MAP4K5: variants seen among roughly 807,000 people sequenced by gnomAD.
MAP4K5 encodes MAPK/ERK kinase kinase kinase 5.
In MAP4K5, 82 loss-of-function variants were observed where a neutral mutation model predicts 135.6. The ratio of observed to expected loss-of-function variants is 0.60; its 90% CI spans 0.51 to 0.73. The LOEUF (loss-of-function observed/expected upper bound fraction) is 0.73, where lower values mean the gene tolerates loss of function less well. MAP4K5 is among the 30% of genes least tolerant of loss of function. The probability of loss-of-function intolerance (pLI) is 0.00; values close to 1 mark genes in which losing one functional copy is unlikely to be tolerated. For missense variants in MAP4K5, 907 were observed against 1,010.9 expected (o/e 0.90, Z 1.39); for synonymous variants, 347 against 335.0 (o/e 1.04, Z -0.39).
Position 50,532,053 on chromosome 14 carries a change from C to A in MAP4K5, c.-4G>T. The A allele has an allele frequency of 3.2e-6, 5 of 1,541,002 alleles. No homozygotes were observed. The highest frequency in any genetic ancestry group is 4.4e-6 in the Non-Finnish European group (5 of 1,135,552). Reference sequence around the variant, plus strand: ...CAGGCCGCAGCGGGGCCTCCATCTTCACTTAGGGCCCGGCCCCCGCCAGCT... The same window carrying A: ...CAGGCCGCAGCGGGGCCTCCATCTTAACTTAGGGCCCGGCCCCCGCCAGCT... On this transcript the variant is annotated 5_prime_UTR_variant, in exon 2 of 33. Coordinates refer to ENST00000682126, the MANE Select transcript of MAP4K5 (RefSeq NM_006575.6).
intron 2 of MAP4K5, among the ~76,000 whole-genome samples, chr14:50,526,598 G>A (rs114844928): frequency 0.015 from 2,245 of 152,210 alleles, 46 homozygotes; most frequent in African/African-American, 0.051. Context: ...GCCTGGCCAC[G>A]TCTGTTTTCT....
At chr14:50,529,364 G>C (rs1566698604) in intron 2 of MAP4K5, among the ~76,000 whole-genome samples, 1 of 152,060 alleles carries the variant, frequency 6.6e-6, no homozygotes, top group Non-Finnish European at 1.5e-5. Context: ...TCTAGCCTGG[G>C]GGACAGAGCG....
intron 9 of MAP4K5, among the ~76,000 whole-genome samples, chr14:50,474,092 C>T (rs968127190): frequency 6.6e-6 from 1 of 151,958 alleles, no homozygotes; most frequent in Admixed American, 6.6e-5. Context: ...ACAAATTATC[C>T]AAACACTGCA....
rs73286577 is a variant in MAP4K5, at chr14:50,469,692, G to A, written c.543-910C>T. The stretch of plus-strand genomic sequence containing the variant: ...AAATGCTTGTGGATATTGAAATAGA[G>A]CTATTATTAAACAACTGTTGAATAT... On this transcript the variant is annotated intron_variant, in intron 9 of 32. Coordinates refer to ENST00000682126, the MANE Select transcript of MAP4K5 (RefSeq NM_006575.6). 9.4e-3 allele frequency among the ~76,000 whole-genome samples: 1,433 copies of A among 152,258 alleles called. 27 individuals are homozygous for A. Among genetic ancestry groups the A allele is most frequent in the African/African-American group, 0.033 (1,370 of 41,556 alleles).
intron 6 of MAP4K5, among the ~76,000 whole-genome samples, chr14:50,477,177 T>C (rs950779449): frequency 3.3e-5 from 5 of 152,352 alleles, no homozygotes; most frequent in Non-Finnish European, 1.5e-5. Context: ...TGTAGTTTTC[T>C]GTATGCAGGT....
At chr14:50,483,249 A>G (rs2037291402) in intron 5 of MAP4K5, 1 of 152,198 alleles carries the variant, frequency 6.6e-6, no homozygotes, top group Non-Finnish European at 1.5e-5. Flanking sequence ...TTTAAAAAAT[A>G]ACCGTGTCAC....
intron 2 of MAP4K5, chr14:50,542,415 C>T (rs2038576834): frequency 6.6e-6 from 1 of 152,020 alleles, no homozygotes; most frequent in African/African-American, 2.4e-5. Flanking sequence ...ACCTGTGTAA[C>T]AAACCTGCAC....
At chr14:50,454,906 G>T (rs1325856002) in intron 14 of MAP4K5, among the ~76,000 whole-genome samples, 1 of 151,972 alleles carries the variant, frequency 6.6e-6, no homozygotes, top group African/African-American at 2.4e-5. Flanking sequence ...ATATGTGTGT[G>T]TTGTGGGGAG....
chr14:50,495,826 T>C (rs189426575), intron 3 of MAP4K5, among the ~76,000 whole-genome samples: 131 of 152,354 alleles, frequency 8.6e-4, no homozygotes, highest in African/African-American at 3.0e-3. Flanking sequence ...AAATACTGTA[T>C]GATTCCACTT....
intron 14 of MAP4K5, among the ~76,000 whole-genome samples, chr14:50,451,339 A>G (rs1275150213): frequency 6.6e-6 from 1 of 152,228 alleles, no homozygotes; most frequent in African/African-American, 2.4e-5. Context: ...GACAACATTC[A>G]GTGTTCTTAC....
At chr14:50,443,535 C>T (rs2036273967) in intron 20 of MAP4K5, among the ~76,000 whole-genome samples, 194 bp downstream of exon 20, 1 of 152,122 alleles carries the variant, frequency 6.6e-6, no homozygotes, top group African/African-American at 2.4e-5. Flanking sequence ...CCAGTATTTA[C>T]AAAAAGTGAA....
intron 3 of MAP4K5, among the ~76,000 whole-genome samples, chr14:50,490,013 C>G (rs1178761642): frequency 1.3e-5 from 2 of 151,858 alleles, no homozygotes; most frequent in East Asian, 1.9e-4. Flanking sequence ...AAACCGCAGA[C>G]AGAGATGGGA....
intron 30 of MAP4K5, among the ~76,000 whole-genome samples, chr14:50,428,017 A>G (rs1156392160): frequency 6.6e-6 from 1 of 152,236 alleles, no homozygotes; most frequent in East Asian, 1.9e-4. Flanking sequence ...TTAATGCAGC[A>G]AAGGGAATAA....
Position 50,524,986 on chromosome 14 carries a change from G to A in MAP4K5, c.108+6956C>T, listed in dbSNP as rs73289843. On this transcript the variant is annotated intron_variant, in intron 2 of 32. Transcript: ENST00000682126. Reference sequence around the variant, plus strand: ...CCTATGAAAAGAACTTCCTCATACCGCTTTGTTTCTTCTCAGACACCTTCA... The same window carrying A: ...CCTATGAAAAGAACTTCCTCATACCACTTTGTTTCTTCTCAGACACCTTCA... Among the ~76,000 whole-genome samples, 952 of 152,180 alleles carry A rather than the reference G, an allele frequency of 6.3e-3. 6 individuals are homozygous for A. Among genetic ancestry groups the A allele is most frequent in the African/African-American group, 0.021 (885 of 41,510 alleles).
At chr14:50,555,991 G>T (rs1489394939) in intron 1 of MAP4K5, among the ~76,000 whole-genome samples, 3 of 152,100 alleles carry the variant, frequency 2.0e-5, no homozygotes, top group African/African-American at 7.2e-5. Context: ...ACCAATGGAA[G>T]AAAAAATAAT....
chr14:50,550,552 C>T (rs1364461248), intron 1 of MAP4K5, among the ~76,000 whole-genome samples: 2 of 152,206 alleles, frequency 1.3e-5, no homozygotes, highest in African/African-American at 2.4e-5. Context: ...ACTGGTTCAA[C>T]AGCACCAATA....
intron 13 of MAP4K5, among the ~76,000 whole-genome samples, chr14:50,458,863 C>A (rs2036648553): frequency 1.3e-5 from 2 of 152,116 alleles, no homozygotes; most frequent in Admixed American, 1.3e-4. Flanking sequence ...GGCTGGAGTG[C>A]AGTGGCACAA....
chr14:50,455,457 T>G (rs1322688452), intron 14 of MAP4K5, among the ~76,000 whole-genome samples: 1 of 151,998 alleles, frequency 6.6e-6, no homozygotes, highest in Non-Finnish European at 1.5e-5. Context: ...GCCCACAGAC[T>G]TCACCTCAGA....
At position 50,486,164 on chromosome 14, in the gene MAP4K5, A is replaced by G; in HGVS notation, c.197T>C (p.Ile66Thr). ...ATGTTTACATTCTTTAACCATAAAT[A>G]TTTCTTGTTGAATCAAAGAAAAATC... ...GDDFSLIQQE[I>T]FMVKECKHCN... The change falls in exon 4 of 33, where the codon ATA becomes ACA. Residue 66 changes from isoleucine (I) to threonine (T), a missense_variant. Physicochemically the swap from Ile to Thr is moderately conservative, Grantham distance 89. Around this residue, in one of 3 missense-constraint regions of MAP4K5, gnomAD observed 196 missense variants for 189.3 expected, o/e 1.04. Transcript: ENST00000682126. The G allele has an allele frequency of 7.1e-7, 1 of 1,398,864 alleles. No homozygotes were observed. The highest frequency in any genetic ancestry group is 9.8e-7 in the Non-Finnish European group (1 of 1,022,396). The allele number at this position is 1,398,864 out of a possible 1,614,324, so 86.7% of individuals were successfully genotyped here.
Sources: allele counts gnomAD v4.1 joint callset (sites outside exome capture counted in the v4.1 genomes callset), GRCh38; gene constraint gnomAD v4.1.1; regional missense constraint gnomAD v4.1.1; transcripts MANE v1.5; gene names NCBI Gene and HGNC (gene_info 2026-07-23, HGNC 2026-07-21).